DRC11: variants seen among roughly 807,000 people sequenced by gnomAD.
DRC11 encodes the protein IQ and AAA domain-containing protein 1.
At chr2:236,378,963 TG>T in the DRC11 span, among the ~76,000 whole-genome samples, 1,317 of 152,250 alleles carry the variant, frequency 8.7e-3, 9 homozygotes, top group Non-Finnish European at 0.013. Flanking sequence ...CCTCCCCCTA[TG>T]GATGTCCCGT....
At chr2:236,465,099 G>A in the DRC11 span, among the ~76,000 whole-genome samples, 1 of 152,112 alleles carries the variant, frequency 6.6e-6, no homozygotes, top group Admixed American at 6.5e-5. This position sits in a 1 kb window ranked among gnomAD's most constrained non-coding sequence, Gnocchi z 6.2. Flanking sequence ...CAGGTGTCTA[G>A]TCCCAGGAAT....
At chr2:236,321,811 G>T in the DRC11 span, among the ~76,000 whole-genome samples, 1 of 152,118 alleles carries the variant, frequency 6.6e-6, no homozygotes, top group South Asian at 2.1e-4. Flanking sequence ...AGAAAGAGCA[G>T]ACAGTAAGAC....
the DRC11 span, among the ~76,000 whole-genome samples, chr2:236,504,648 C>T: frequency 6.6e-6 from 1 of 152,142 alleles, no homozygotes; most frequent in Admixed American, 6.5e-5. The surrounding 1 kb of genome is among the most constrained non-coding windows in gnomAD (Gnocchi z 5.0). Flanking sequence ...TTGGCTGTGT[C>T]CCGACCCAAA....
the DRC11 span, among the ~76,000 whole-genome samples, chr2:236,460,326 C>T: frequency 6.6e-6 from 1 of 152,144 alleles, no homozygotes; most frequent in South Asian, 2.1e-4. This position sits in a 1 kb window ranked among gnomAD's most constrained non-coding sequence, Gnocchi z 4.0. Flanking sequence ...CTTCAAAGGG[C>T]GTCCATAAAC....
the DRC11 span, among the ~76,000 whole-genome samples, chr2:236,377,550 C>T: frequency 1.3e-5 from 2 of 152,154 alleles, no homozygotes; most frequent in Non-Finnish European, 2.9e-5. This position sits in a 1 kb window ranked among gnomAD's most constrained non-coding sequence, Gnocchi z 4.9. Context: ...ATTATATATT[C>T]GGCTAGCATC....
chr2:236,356,173 A>AATG, the DRC11 span, among the ~76,000 whole-genome samples: 4 of 152,084 alleles, frequency 2.6e-5, no homozygotes, highest in African/African-American at 4.8e-5. Flanking sequence ...AGAACCTAAG[A>AATG]ATGTCCAGGG....
the DRC11 span, among the ~76,000 whole-genome samples, chr2:236,375,265 C>T: frequency 6.6e-6 from 1 of 152,072 alleles, no homozygotes; most frequent in South Asian, 2.1e-4. This position sits in a 1 kb window ranked among gnomAD's most constrained non-coding sequence, Gnocchi z 4.2. Context: ...TGGAAATTGA[C>T]AGATCATTGA....
At chr2:236,459,629 G>A in the DRC11 span, among the ~76,000 whole-genome samples, 370 of 91,480 alleles carry the variant, frequency 4.0e-3, 6 homozygotes, top group Non-Finnish European at 6.2e-3. Flanking sequence ...ATATACATAC[G>A]TATATACGTA....
chr2:236,498,395 G>A, the DRC11 span, among the ~76,000 whole-genome samples: 1 of 152,078 alleles, frequency 6.6e-6, no homozygotes, highest in African/African-American at 2.4e-5. Flanking sequence ...AACCCGGGAG[G>A]TGGAGTTTGC....
chr2:236,361,371 C>A, the DRC11 span, among the ~76,000 whole-genome samples: 1 of 151,928 alleles, frequency 6.6e-6, no homozygotes, highest in Admixed American at 6.6e-5. The surrounding 1 kb of genome is among the most constrained non-coding windows in gnomAD (Gnocchi z 5.7). Context: ...TTGACAGAGA[C>A]AAAGAGAGTA....
At chr2:236,473,872 A>C in the DRC11 span, among the ~76,000 whole-genome samples, 2 of 152,192 alleles carry the variant, frequency 1.3e-5, no homozygotes, top group South Asian at 2.1e-4. The surrounding 1 kb of genome is among the most constrained non-coding windows in gnomAD (Gnocchi z 4.8). Context: ...TTCTGGTTTC[A>C]GTTACTAAAT....
At chr2:236,446,813 A>C in the DRC11 span, among the ~76,000 whole-genome samples, 2 of 152,174 alleles carry the variant, frequency 1.3e-5, no homozygotes, top group Non-Finnish European at 2.9e-5. The surrounding 1 kb of genome is among the most constrained non-coding windows in gnomAD (Gnocchi z 6.2). Context: ...CTGTCTGCCC[A>C]TGTGTCCCAG....
chr2:236,315,443 G>T, the DRC11 span, among the ~76,000 whole-genome samples: 1 of 152,156 alleles, frequency 6.6e-6, no homozygotes, highest in Non-Finnish European at 1.5e-5. The surrounding 1 kb of genome is among the most constrained non-coding windows in gnomAD (Gnocchi z 5.1). Context: ...AAGACACTGT[G>T]GCAATTCCTC....
chr2:236,380,717 T>A, the DRC11 span: 1 of 1,040,126 alleles, frequency 9.6e-7, no homozygotes, highest in Admixed American at 2.0e-5. The surrounding 1 kb of genome is among the most constrained non-coding windows in gnomAD (Gnocchi z 4.9). Context: ...AAGCACGTTG[T>A]TTTCTGGGGG....
chr2:236,314,103 G>A, the DRC11 span, among the ~76,000 whole-genome samples: 23,280 of 152,180 alleles, frequency 0.15, 4,393 homozygotes, highest in African/African-American at 0.43. This position sits in a 1 kb window ranked among gnomAD's most constrained non-coding sequence, Gnocchi z 4.5. Flanking sequence ...AAATTGGTAT[G>A]TTGTATCAGT....
At chr2:236,353,777 C>T in the DRC11 span, among the ~76,000 whole-genome samples, 10 of 151,498 alleles carry the variant, frequency 6.6e-5, no homozygotes, top group African/African-American at 1.7e-4. This position sits in a 1 kb window ranked among gnomAD's most constrained non-coding sequence, Gnocchi z 5.0. Flanking sequence ...GAATGGGTGT[C>T]GCTGAGTGAG....
At chr2:236,463,993 TGG>T in the DRC11 span, among the ~76,000 whole-genome samples, 1 of 152,234 alleles carries the variant, frequency 6.6e-6, no homozygotes, top group African/African-American at 2.4e-5. The surrounding 1 kb of genome is among the most constrained non-coding windows in gnomAD (Gnocchi z 5.0). Context: ...GGCTGTTGCC[TGG>T]GAGCCTCCTC....
At chr2:236,376,231 G>C in the DRC11 span, among the ~76,000 whole-genome samples, 1 of 152,230 alleles carries the variant, frequency 6.6e-6, no homozygotes, top group Non-Finnish European at 1.5e-5. The surrounding 1 kb of genome is among the most constrained non-coding windows in gnomAD (Gnocchi z 5.7). Flanking sequence ...TCTGTGCACA[G>C]CTCAGACTCT....
the DRC11 span, among the ~76,000 whole-genome samples, chr2:236,403,617 C>T: frequency 6.6e-6 from 1 of 152,250 alleles, no homozygotes; most frequent in South Asian, 2.1e-4. Flanking sequence ...ATAGGTGTAA[C>T]ATGGTATTTA....
Sources: allele counts gnomAD v4.1 joint callset (sites outside exome capture counted in the v4.1 genomes callset), GRCh38; gene constraint gnomAD v4.1.1; non-coding constraint Gnocchi (gnomAD v3.1); transcripts MANE v1.5; gene names NCBI Gene and HGNC (gene_info 2026-07-23, HGNC 2026-07-21).